MAML2: variants seen among roughly 807,000 people sequenced by gnomAD.
MAML2 encodes mastermind like transcriptional coactivator 2.
Under a neutral mutation model 96.1 loss-of-function variants are expected in MAML2, and 22 were observed. The observed-to-expected ratio is 0.23, with a 90% CI of 0.16 to 0.33. The LOEUF is 0.33. Ranked by LOEUF, MAML2 falls within the 10% of genes least tolerant of loss-of-function variation. The probability of loss-of-function intolerance (pLI) is 1.00; values close to 1 mark genes in which losing one functional copy is unlikely to be tolerated. For synonymous variants in MAML2, 561 were observed against 521.3 expected (o/e 1.08, Z -1.04); for missense variants, 1,367 against 1,392.4 (o/e 0.98, Z 0.29).
intron 2 of MAML2, among the ~76,000 whole-genome samples, chr11:96,065,090 T>G (rs1008723373): frequency 1.3e-5 from 2 of 152,192 alleles, no homozygotes; most frequent in African/African-American, 2.4e-5. Context: ...CCCCAGAACC[T>G]AAAGTATCTG....
chr11:96,214,711 G>C (rs921834504), intron 1 of MAML2, among the ~76,000 whole-genome samples: 1 of 152,184 alleles, frequency 6.6e-6, no homozygotes, highest in Non-Finnish European at 1.5e-5. Flanking sequence ...TGTCCTGAGT[G>C]GCAGTGATTG....
intron 1 of MAML2, among the ~76,000 whole-genome samples, chr11:96,318,386 A>G (rs1182871660): frequency 1.3e-5 from 2 of 152,224 alleles, no homozygotes; most frequent in South Asian, 2.1e-4. Flanking sequence ...TTAAGTTAAT[A>G]TACTTTACTT....
At chr11:96,310,369 C>CA (rs1159231998) in intron 1 of MAML2, among the ~76,000 whole-genome samples, 1 of 152,110 alleles carries the variant, frequency 6.6e-6, no homozygotes, top group African/African-American at 2.4e-5. Flanking sequence ...ATTTCATCAA[C>CA]ATTATTACCT....
chr11:96,228,579 C>G (rs571769549), intron 1 of MAML2, among the ~76,000 whole-genome samples: 2 of 152,146 alleles, frequency 1.3e-5, no homozygotes, highest in East Asian at 3.8e-4. Flanking sequence ...GGCCGCTGTC[C>G]ACCTTCCATT....
At chr11:96,308,987 C>G (rs2136003045) in intron 1 of MAML2, among the ~76,000 whole-genome samples, 1 of 152,280 alleles carries the variant, frequency 6.6e-6, no homozygotes, top group South Asian at 2.1e-4. Flanking sequence ...ACAAATAATT[C>G]ATGGCATAAA....
chr11:96,123,927 G>A (rs867369809), intron 1 of MAML2, among the ~76,000 whole-genome samples: 5 of 151,686 alleles, frequency 3.3e-5, no homozygotes, highest in African/African-American at 4.8e-5. Flanking sequence ...AAAATTAGCC[G>A]GGCATGGTGG....
chr11:96,201,017 G>A (rs1385511578), intron 1 of MAML2, among the ~76,000 whole-genome samples: 2 of 151,652 alleles, frequency 1.3e-5, no homozygotes, highest in Non-Finnish European at 2.9e-5. Flanking sequence ...TAACTCTTGG[G>A]GGAAAAAAAA....
intron 1 of MAML2, among the ~76,000 whole-genome samples, chr11:96,338,884 A>G (rs1863951870): frequency 6.6e-6 from 1 of 152,234 alleles, no homozygotes; most frequent in Admixed American, 6.5e-5. Context: ...GAGCCCGAGT[A>G]AAGTGAGACC....
rs193233586 is a variant in MAML2, at chr11:96,099,747, C to A, written c.514-6230G>T. 2.0e-5 allele frequency among the ~76,000 whole-genome samples: 3 copies of A among 152,206 alleles called. No homozygotes were observed. In the East Asian group the frequency reaches 5.8e-4, roughly 29 times the overall value. ...CAAATTCACAAGCAAATTAATGGTT[C>A]CACCAGAATTTTGCTTCAGTGATTA... On this transcript the variant is annotated intron_variant, in intron 1 of 4. Transcript: ENST00000524717.
At chr11:96,087,171 G>A (rs1859630160) in intron 2 of MAML2, among the ~76,000 whole-genome samples, 1 of 151,962 alleles carries the variant, frequency 6.6e-6, no homozygotes, top group Non-Finnish European at 1.5e-5. Context: ...CAAAGTTAGT[G>A]CTAATGTTAA....
chr11:96,155,888 A>G (rs1189556137), intron 1 of MAML2, among the ~76,000 whole-genome samples: 1 of 152,008 alleles, frequency 6.6e-6, no homozygotes, highest in Non-Finnish European at 1.5e-5. Context: ...GCCTCTGTGG[A>G]TTGGGAACCA....
intron 1 of MAML2, among the ~76,000 whole-genome samples, chr11:96,174,318 T>G (rs1321407072): frequency 7.2e-5 from 11 of 152,222 alleles, no homozygotes; most frequent in Admixed American, 7.2e-4. Flanking sequence ...CCCAGGACAC[T>G]GCCATCTATG....
chr11:96,210,063 C>T (rs1186760220), intron 1 of MAML2, among the ~76,000 whole-genome samples: 2 of 152,088 alleles, frequency 1.3e-5, no homozygotes, highest in Non-Finnish European at 2.9e-5. Flanking sequence ...TTCTTTTGTT[C>T]TCAATAATGA....
chr11:96,167,473 A>G (rs931283770), intron 1 of MAML2, among the ~76,000 whole-genome samples: 1 of 152,124 alleles, frequency 6.6e-6, no homozygotes, highest in East Asian at 1.9e-4. Context: ...CTGCCCAGAG[A>G]ACTAATCTAA....
intron 1 of MAML2, among the ~76,000 whole-genome samples, chr11:96,254,995 AT>A (rs1219654967): frequency 1.2e-4 from 18 of 147,888 alleles, no homozygotes; most frequent in Admixed American, 2.0e-4. Context: ...TTTTTTTGGC[AT>A]TTTTTTTTTA....
intron 2 of MAML2, among the ~76,000 whole-genome samples, chr11:96,073,308 T>C (rs985903804): frequency 2.4e-4 from 20 of 81,730 alleles, no homozygotes; most frequent in Admixed American, 1.2e-3. Context: ...TGCAGATTCA[T>C]TTCTTTTCTT....
chr11:96,189,961 T>TG (rs1326831575), intron 1 of MAML2, among the ~76,000 whole-genome samples: 1 of 152,198 alleles, frequency 6.6e-6, no homozygotes, highest in Non-Finnish European at 1.5e-5. Flanking sequence ...TAAAAGTAGG[T>TG]GTCACTAGAT....
chr11:96,291,133 T>C (rs976253445), intron 1 of MAML2, among the ~76,000 whole-genome samples: 2 of 140,596 alleles, frequency 1.4e-5, no homozygotes, highest in South Asian at 4.8e-4. Context: ...TTTTTTTTTT[T>C]TTTTTTTTTG....
At chr11:96,211,612 C>T (rs7107190) in intron 1 of MAML2, among the ~76,000 whole-genome samples, 8,881 of 151,896 alleles carry the variant, frequency 0.058, 846 homozygotes, top group African/African-American at 0.2. Context: ...GGTATGGGGG[C>T]GTCTTTGAGG....
Sources: allele counts gnomAD v4.1 joint callset (sites outside exome capture counted in the v4.1 genomes callset), GRCh38; gene constraint gnomAD v4.1.1; transcripts MANE v1.5; gene names NCBI Gene and HGNC (gene_info 2026-07-23, HGNC 2026-07-21).